POLRMT: variants seen among roughly 807,000 people sequenced by gnomAD.
The protein encoded by POLRMT is DNA-directed RNA polymerase, mitochondrial.
A neutral mutation model predicts 132.2 loss-of-function variants in POLRMT; 114 were observed. The ratio of observed to expected loss-of-function variants is 0.86; its 90% CI spans 0.74 to 1.01. POLRMT has a LOEUF of 1.01. Among genes scored for constraint, POLRMT ranks in the 50% least tolerant of loss-of-function variants. The pLI is 0.00. For synonymous variants in POLRMT, 1,020 were observed against 773.4 expected (o/e 1.32, Z -5.29); for missense variants, 2,003 against 1,729.1 (o/e 1.16, Z -2.81).
Position 630,006 on chromosome 19 carries a change from C to A in POLRMT, c.356G>T (p.Cys119Phe), listed in dbSNP as rs925689836. Reference sequence around the variant, plus strand: ...CTCCAGTATCTTTGCCCAGCGGCCACAGGGCACCGGGGTGGCATCCTTGGC... The same window carrying A: ...CTCCAGTATCTTTGCCCAGCGGCCAAAGGGCACCGGGGTGGCATCCTTGGC... ...MGAKDATPVP[C>F]GRWAKILEKD... is the part of the protein sequence containing the mutation. Residue 119 changes from cysteine (C) to phenylalanine (F), a missense_variant, in exon 3 of 21, where the codon TGT (cysteine) becomes TTT (phenylalanine). Transcript: ENST00000588649. 15 of 1,613,724 alleles carry A rather than the reference C, an allele frequency of 9.3e-6. No individual in the cohort carries two copies. Among genetic ancestry groups the A allele is most frequent in the Admixed American group, 1.7e-5 (1 of 60,008 alleles).
At position 619,202 on chromosome 19, in the gene POLRMT, G is replaced by A. The variant is rs148568224; in HGVS notation, c.3153+8C>T. ...GTCCTGGCCGAGCGGGGACAGGACA[G>A]GACGTACCTGGATGGCCCGGGTCCC... is the stretch of plus-strand genomic sequence containing the variant. On this transcript the variant is annotated splice_region_variant and intron_variant, in intron 14 of 20. Transcript: ENST00000588649. 3.2e-5 allele frequency: 51 copies of A among 1,611,582 alleles called. No homozygotes were observed. The African/African-American group carries it at 5.1e-4, about 16-fold the overall frequency.
chr19:622,110 G>C, intron 9 of POLRMT, 39 bp downstream of exon 9: 3 of 1,496,322 alleles, frequency 2.0e-6, no homozygotes, highest in Non-Finnish European at 2.7e-6. Context: ...GGTCCTCCCA[G>C]CGGGATGCCC....
rs1984648744 is a variant in POLRMT at position 621,998 on chromosome 19, C to T, written c.1851+151G>A. On this transcript the variant is annotated intron_variant, in intron 9 of 20. Coordinates refer to ENST00000588649, the MANE Select transcript of POLRMT (RefSeq NM_005035.4). ...GAAGCCACCTCCAGAAACGGCCGGA[C>T]ACCTGCATGGACACCCATGGTGTGT... is the stretch of plus-strand genomic sequence containing the variant. 4.3e-6 allele frequency: 5 copies of T among 1,168,814 alleles called. No homozygotes were observed. The East Asian group carries it at 1.3e-4, about 30-fold the overall frequency. The allele number at this position is 1,168,814 out of a possible 1,614,324, so 72.4% of individuals were successfully genotyped here.
Position 618,543 on chromosome 19 carries a change from A to G in POLRMT, c.3367T>C (p.Phe1123Leu), listed in dbSNP as rs937449289. The G allele has an allele frequency of 9.9e-6, 16 of 1,613,316 alleles. No individual in the cohort carries two copies. The highest frequency in any genetic ancestry group is 9.3e-6 in the Non-Finnish European group (11 of 1,179,576). The change falls in exon 17 of 21, where the codon TTC (phenylalanine) becomes CTC (leucine). Residue 1123 changes from phenylalanine to leucine, a missense_variant. Transcript: ENST00000588649. Reference protein sequence around the residue: ...RKQKNGFPPNFIHSLDSSHMM... With the variant: ...RKQKNGFPPNLIHSLDSSHMM... ...TGGGAGGAGTCCAGCGAGTGGATGA[A>G]GTTGGGCGGGAAGCCGTTCTTCTGC...
intron 13 of POLRMT, 76 bp downstream of exon 13, chr19:619,510 G>A (rs566211877): frequency 2.8e-5 from 44 of 1,561,996 alleles, no homozygotes; most frequent in Middle Eastern, 1.8e-4. Flanking sequence ...CTGGGAGGCT[G>A]GGTCGGGGGC....
intron 10 of POLRMT, 90 bp downstream of exon 10, chr19:620,968 G>A: frequency 1.3e-6 from 1 of 748,278 alleles, no homozygotes; most frequent in Non-Finnish European, 1.8e-6. Context: ...ACGGGCAGGG[G>A]GCGCGGGGGC....
chr19:627,609 A>C (rs1047456897), intron 3 of POLRMT, among the ~76,000 whole-genome samples: 16 of 152,046 alleles, frequency 1.1e-4, no homozygotes, highest in African/African-American at 3.6e-4. Context: ...AACATCATAG[A>C]AAGTTCTACT....
intron 1 of POLRMT, 105 bp downstream of exon 1, chr19:633,320 C>T (rs926196014): frequency 6.1e-6 from 8 of 1,311,940 alleles, no homozygotes; most frequent in African/African-American, 1.6e-5. Flanking sequence ...GCTGCGCACG[C>T]CCAGGTGCAA....
At chr19:622,421 A>G (rs909882273) in intron 8 of POLRMT, 48 bp from the exon 9 acceptor site, 1 of 1,500,760 alleles carries the variant, frequency 6.7e-7, no homozygotes, top group African/African-American at 1.4e-5. Context: ...CCCCTGAGCT[A>G]GATGCCCCAC....
intron 10 of POLRMT, among the ~76,000 whole-genome samples, chr19:620,745 T>C (rs1298954495): frequency 2.4e-4 from 5 of 20,994 alleles, no homozygotes; most frequent in East Asian, 1.6e-3. Flanking sequence ...ACAGAGGACC[T>C]GGGGGCGCCG....
chr19:618,272 T>G (rs1984172832), intron 17 of POLRMT: 1 of 566,926 alleles, frequency 1.8e-6, no homozygotes, highest in South Asian at 2.3e-5. Flanking sequence ...GCGCCCATGC[T>G]CGGCTCTCCC....
chr19:629,871 GGCTCCACCT>G lies in POLRMT; in HGVS notation c.482_490del (p.Gln161_Glu163del). 6.2e-7 allele frequency: 1 copy of G among 1,610,540 alleles called. No homozygotes were observed. The highest frequency in any genetic ancestry group is 1.3e-5 in the African/African-American group (1 of 74,938). On this transcript the variant is annotated inframe_deletion, in exon 3 of 21. Transcript: ENST00000588649. ...GGCCATCTGCTTGCTCAGGAGCCGGGGCTCCACCTGCAGGCGCCTGGTCAGCGCCTTGAA... is the reference window on the plus strand; with the variant it reads ...GGCCATCTGCTTGCTCAGGAGCCGGGGCAGGCGCCTGGTCAGCGCCTTGAA...
At chr19:623,937 G>C (rs1298532279) in intron 5 of POLRMT, among the ~76,000 whole-genome samples, 5 of 152,202 alleles carry the variant, frequency 3.3e-5, no homozygotes, top group Admixed American at 2.6e-4. Flanking sequence ...AGAACTGTAT[G>C]AATGTGACCC....
At position 621,303 on chromosome 19, in the gene POLRMT, T is replaced by A. The variant is rs1568167204; in HGVS notation, c.2395A>T (p.Asn799Tyr). The change falls in exon 10 of 21, where the codon AAC becomes TAC. Residue 799 changes from asparagine to tyrosine, a missense_variant. By Grantham distance (143) the Asn-to-Tyr change is moderately radical. Transcript: ENST00000588649. ...LRDRVFWLPH[N>Y]MDFRGRTYPC... Reference sequence around the variant, plus strand: ...TAGGTGCGGCCGCGGAAGTCCATGTTGTGCGGCAGCCAGAAGACGCGGTCC... The same window carrying A: ...TAGGTGCGGCCGCGGAAGTCCATGTAGTGCGGCAGCCAGAAGACGCGGTCC... 1 of 1,601,596 alleles carries A rather than the reference T, an allele frequency of 6.2e-7. No individual in the cohort carries two copies. The highest frequency in any genetic ancestry group is 8.5e-7 in the Non-Finnish European group (1 of 1,177,416).
rs769943502 is a variant in POLRMT at position 620,494 on chromosome 19, G to T, written c.2641-7C>A. The T allele has an allele frequency of 3.2e-6, 5 of 1,572,378 alleles. No individual in the cohort carries two copies. Among genetic ancestry groups the T allele is most frequent in the Non-Finnish European group, 4.3e-6 (5 of 1,157,694 alleles). ...CCATCCACCACTTTCGGCCCTGCGG[G>T]GACAGCGGATGGGGGGCAGTGAGGC... On this transcript the variant is annotated splice_polypyrimidine_tract_variant and splice_region_variant and intron_variant, in intron 10 of 20. Coordinates refer to ENST00000588649, the MANE Select transcript of POLRMT (RefSeq NM_005035.4).
intron 5 of POLRMT, among the ~76,000 whole-genome samples, chr19:624,429 G>A (rs41550318): frequency 0.012 from 1,891 of 152,178 alleles, 22 homozygotes; most frequent in South Asian, 0.024. Flanking sequence ...AGTAACAGAC[G>A]AGCCCACTGC....
chr19:623,387 C>G lies in POLRMT; in HGVS notation c.1290+67G>C, dbSNP rs112862884. On this transcript the variant is annotated intron_variant, in intron 6 of 20. Transcript: ENST00000588649. Reference sequence around the variant, plus strand: ...GCGGACACGGGACCCCGGCTCAGCCCGTGCGGTGGACACGCGACCCCGGCT... The same window carrying G: ...GCGGACACGGGACCCCGGCTCAGCCGGTGCGGTGGACACGCGACCCCGGCT... 2.3e-3 allele frequency: 3,581 copies of G among 1,580,054 alleles called. 79 individuals are homozygous for G. The African/African-American group carries it at 0.04, about 18-fold the overall frequency.
chr19:622,649 C>T lies in POLRMT; in HGVS notation c.1559G>A (p.Ser520Asn), dbSNP rs897296128. The change falls in exon 8 of 21, where the codon AGT (serine) becomes AAT (asparagine). Residue 520 changes from serine (S) to asparagine (N), a missense_variant. Ser to Asn is a conservative substitution (Grantham distance 46). Transcript: ENST00000588649. Reference sequence around the variant, plus strand: ...GTTCTGCAGCGCCTGCACCTGGCCACTGACCCGCTGCCTCTGCACCACGTG... The same window carrying T: ...GTTCTGCAGCGCCTGCACCTGGCCATTGACCCGCTGCCTCTGCACCACGTG... The part of the protein sequence containing the change: ...SRHVVQRQRV[S>N]GQVQALQNHY... 1 of 1,607,052 alleles carries T rather than the reference C, an allele frequency of 6.2e-7. No individual in the cohort carries two copies. The highest frequency in any genetic ancestry group is 1.3e-5 in the African/African-American group (1 of 74,914).
intron 3 of POLRMT, among the ~76,000 whole-genome samples, chr19:628,143 G>A (rs1395502930): frequency 6.6e-6 from 1 of 152,164 alleles, no homozygotes; most frequent in Non-Finnish European, 1.5e-5. Flanking sequence ...CCCTGCTAGA[G>A]CCTCTGGAGA....
Sources: allele counts gnomAD v4.1 joint callset (sites outside exome capture counted in the v4.1 genomes callset), GRCh38; gene constraint gnomAD v4.1.1; transcripts MANE v1.5; gene names NCBI Gene and HGNC (gene_info 2026-07-23, HGNC 2026-07-21).